The following SMG7 variants were observed in gnomAD, a reference collection of about 807,000 sequenced individuals.
SMG7 encodes nonsense-mediated mRNA decay factor SMG7.
A neutral mutation model predicts 148.2 loss-of-function variants in SMG7; 34 were observed. The ratio of observed to expected loss-of-function variants is 0.23; its 90% CI spans 0.17 to 0.31. SMG7 has a LOEUF of 0.31. Ranked by LOEUF, SMG7 falls within the 10% of genes least tolerant of loss-of-function variation. The pLI, the probability that SMG7 is intolerant of heterozygous loss-of-function variation, is 1.00. For synonymous variants in SMG7, 492 were observed against 515.1 expected (o/e 0.96, Z 0.61); for missense variants, 1,114 against 1,408.4 (o/e 0.79, Z 3.35).
chr1:183,491,889 T>C (rs1025222755), intron 1 of SMG7, among the ~76,000 whole-genome samples: 8 of 152,166 alleles, frequency 5.3e-5, no homozygotes, highest in Admixed American at 5.2e-4. Context: ...TGTTGCTGCC[T>C]TCTCTACAGG....
intron 12 of SMG7, among the ~76,000 whole-genome samples, chr1:183,539,259 C>T (rs1668356673): frequency 6.6e-6 from 1 of 152,170 alleles, no homozygotes; most frequent in African/African-American, 2.4e-5. Flanking sequence ...TACCAAAATC[C>T]AGTGACTATA....
intron 14 of SMG7, among the ~76,000 whole-genome samples, chr1:183,543,349 A>G (rs1004465447): frequency 6.6e-6 from 1 of 152,190 alleles, no homozygotes; most frequent in Admixed American, 6.5e-5. Flanking sequence ...AGTACCTTTG[A>G]AGTATTTCTC....
intron 1 of SMG7, among the ~76,000 whole-genome samples, chr1:183,509,271 TATA>T (rs1426394912): frequency 6.6e-6 from 1 of 152,224 alleles, no homozygotes; most frequent in African/African-American, 2.4e-5. Flanking sequence ...AAATTTCAGA[TATA>T]ATCTATTTCC....
At chr1:183,478,851 A>T (rs1263308644) in intron 1 of SMG7, among the ~76,000 whole-genome samples, 3 of 152,302 alleles carry the variant, frequency 2.0e-5, no homozygotes, top group Middle Eastern at 3.4e-3. Flanking sequence ...CGTCTTGTAG[A>T]TAGTGGATTA....
chr1:183,530,207 G>T lies in SMG7; in HGVS notation c.843+674G>T, dbSNP rs528548685. On this transcript the variant is annotated intron_variant, in intron 8 of 22. Transcript: ENST00000688051. ...TTAAACAGTAAATGACAATTTCAAA[G>T]AACATTTTATATTTCTTGGTTATTT... Among the ~76,000 whole-genome samples, 78 of 152,098 alleles carry T rather than the reference G, an allele frequency of 5.1e-4. 2 individuals carry two copies. In the South Asian group the frequency reaches 0.016, roughly 30 times the overall value.
intron 1 of SMG7, among the ~76,000 whole-genome samples, chr1:183,481,131 T>C (rs1383846233): frequency 6.6e-6 from 1 of 152,198 alleles, no homozygotes; most frequent in East Asian, 1.9e-4. Flanking sequence ...TCTGGTATTG[T>C]TGGCCTTCCA....
intron 2 of SMG7, among the ~76,000 whole-genome samples, chr1:183,514,181 A>G (rs985530188): frequency 2.0e-5 from 3 of 150,500 alleles, no homozygotes; most frequent in East Asian, 1.9e-4. Context: ...ATCTTATTCT[A>G]ATTTCTCAAT....
At chr1:183,513,349 T>C (rs1040795480) in intron 2 of SMG7, 1 of 152,786 alleles carries the variant, frequency 6.5e-6, no homozygotes, top group African/African-American at 2.4e-5. Context: ...CTGCCTTTCT[T>C]TTCTCCCATA....
At chr1:183,491,737 A>G (rs1657082366) in intron 1 of SMG7, among the ~76,000 whole-genome samples, 1 of 152,188 alleles carries the variant, frequency 6.6e-6, no homozygotes, top group African/African-American at 2.4e-5. Flanking sequence ...TTGTGCTGCT[A>G]TAATAAAATA....
In SMG7 at chr1:183,516,314, C is replaced by A. The variant is rs142622976; in HGVS notation, c.179+323C>A. Among the ~76,000 whole-genome samples, 577 of 151,760 alleles carry A rather than the reference C, an allele frequency of 3.8e-3. 1 individual carries two copies. Among genetic ancestry groups the A allele is most frequent in the African/African-American group, 0.013 (555 of 41,382 alleles). ...TCTGTGGTCAGTCTTATAATTAAGC[C>A]GCGATTTAAAAAAAAAATACAAGAA... On this transcript the variant is annotated intron_variant, in intron 3 of 22. Coordinates refer to ENST00000688051, the MANE Select transcript of SMG7 (RefSeq NM_001375584.1).
At chr1:183,543,541 TC>T (rs1288724236) in intron 14 of SMG7, among the ~76,000 whole-genome samples, 1 of 151,634 alleles carries the variant, frequency 6.6e-6, no homozygotes, top group Non-Finnish European at 1.5e-5. Context: ...AGATAATGAG[TC>T]CAGCATTTTC....
intron 1 of SMG7, chr1:183,508,230 A>G (rs945386432): frequency 6.3e-6 from 4 of 637,654 alleles, no homozygotes; most frequent in Admixed American, 6.3e-5. Context: ...GTCTCACTCC[A>G]TTGCCCAGGT....
At chr1:183,522,252 T>C (rs919249744) in intron 4 of SMG7, among the ~76,000 whole-genome samples, 1 of 152,152 alleles carries the variant, frequency 6.6e-6, no homozygotes, top group African/African-American at 2.4e-5. Flanking sequence ...GGAAACATCA[T>C]AAAATCATAA....
chr1:183,505,686 A>G (rs1376679869), intron 1 of SMG7, among the ~76,000 whole-genome samples: 1 of 152,362 alleles, frequency 6.6e-6, no homozygotes, highest in East Asian at 1.9e-4. Context: ...CGGTCAAGGC[A>G]TTATTGTAGC....
In SMG7 at chr1:183,515,962, C is replaced by T. The variant is rs143064935; in HGVS notation, c.150C>T (p.Tyr50=). ...AAATGCTAGTTACCGATTTGGAATA[C>T]GCTTTAGACAAGAAAGTAGAACAGG... ...YQKMLVTDLE[Y]ALDKKVEQDL... Residue 50 remains tyrosine (Y), a synonymous_variant, in exon 3 of 23, where the codon TAC becomes TAT. Transcript: ENST00000688051. The T allele has an allele frequency of 6.1e-5, 98 of 1,611,130 alleles. No individual in the cohort carries two copies. The highest frequency in any genetic ancestry group is 3.6e-4 in the African/African-American group (27 of 74,940).
chr1:183,512,998 T>C, intron 2 of SMG7, 130 bp downstream of exon 2: 1 of 764,726 alleles, frequency 1.3e-6, no homozygotes, highest in South Asian at 2.1e-5. Flanking sequence ...TCATTTACTA[T>C]CTGCTTTAAA....
At chr1:183,528,100 G>A in intron 6 of SMG7, 73 bp downstream of exon 6, 1 of 1,127,272 alleles carries the variant, frequency 8.9e-7, no homozygotes, top group Non-Finnish European at 1.3e-6. Flanking sequence ...ATAACTCAGG[G>A]CTCACCTTTG....
rs61075857 is a variant in SMG7 at position 183,553,617 on chromosome 1, G to GCC, written c.*1689_*1690dup. On this transcript the variant is annotated 3_prime_UTR_variant, in exon 23 of 23. Coordinates refer to ENST00000688051, the MANE Select transcript of SMG7 (RefSeq NM_001375584.1). ...AGAGAGAGTGGTTGGAGCCCCCCCC[G>GCC]CCCCGTATGCTTACATTATTGCTCT... The GCC allele has an allele frequency of 1.4e-4, 18 of 130,308 alleles. No homozygotes were observed. The highest frequency in any genetic ancestry group is 2.5e-4 in the Non-Finnish European group (15 of 59,854). 8.1% of individuals were successfully genotyped at this position (130,308 alleles called of 1,614,324 possible). A position where few individuals can be genotyped will look rare whatever the true frequency, so the allele number is the denominator to read the frequency against.
chr1:183,527,956 C>T lies in SMG7; in HGVS notation c.485C>T (p.Ala162Val). The T allele has an allele frequency of 6.2e-7, 1 of 1,612,574 alleles. No homozygotes were observed. The highest frequency in any genetic ancestry group is 1.1e-5 in the South Asian group (1 of 91,006). The change falls in exon 6 of 23, where the codon GCT becomes GTT. Residue 162 changes from alanine to valine, a missense_variant and splice_region_variant. This residue lies in a region of SMG7 where 216 missense variants were observed against 329.1 expected (regional missense o/e 0.66). Transcript: ENST00000688051. The surrounding 1 kb of genome is among the most constrained non-coding windows in gnomAD (Gnocchi z 4.0). Reference sequence around the variant, plus strand: ...TTAAAACTAATTTTCTTCTTCTTAGCTCGATACAGAAACCAGACCAGCCAG... The same window carrying T: ...TTAAAACTAATTTTCTTCTTCTTAGTTCGATACAGAAACCAGACCAGCCAG... ...QHCLVHLGDIARYRNQTSQAE... is the reference protein window; with the variant it reads ...QHCLVHLGDIVRYRNQTSQAE...
Sources: gnomAD v4.1 joint callset for allele counts (sites outside exome capture counted in the v4.1 genomes callset) on GRCh38, gnomAD v4.1.1 for gene constraint, gnomAD v4.1.1 regional missense constraint, Gnocchi (gnomAD v3.1) non-coding constraint, MANE v1.5 for transcripts, NCBI Gene and HGNC (gene_info 2026-07-23, HGNC 2026-07-21) for gene names.